Variants in ANKFN1 observed in about 807,000 individuals in gnomAD.
ANKFN1 encodes the protein ankyrin repeat and fibronectin type-III domain-containing protein 1.
ANKFN1 carries 74 observed loss-of-function variants against 108.7 expected under a neutral mutation model. The observed-to-expected ratio is 0.68, with a 90% CI of 0.56 to 0.83. The LOEUF (loss-of-function observed/expected upper bound fraction) is 0.83, where lower values mean the gene tolerates loss of function less well. Ranked by LOEUF, ANKFN1 falls within the 40% of genes least tolerant of loss-of-function variation. ANKFN1 has a pLI of 0.00. For synonymous variants in ANKFN1, 547 were observed against 516.2 expected, an observed-to-expected ratio of 1.06 and a Z score of -0.81; for missense variants, 1,505 against 1,382.3, an observed-to-expected ratio of 1.09 and a Z score of -1.41.
chr17:56,469,795 A>C (rs201587314), intron 15 of ANKFN1, among the ~76,000 whole-genome samples: 3,185 of 121,896 alleles, frequency 0.026, 109 homozygotes, highest in African/African-American at 0.087. Flanking sequence ...TTTTATTTTT[A>C]TTTTACTTTA....
chr17:56,448,533 T>G (rs1315102983), intron 10 of ANKFN1, among the ~76,000 whole-genome samples: 1 of 152,182 alleles, frequency 6.6e-6, no homozygotes, highest in East Asian at 1.9e-4. Flanking sequence ...AAAGCAGACA[T>G]TCATTAGAGC....
chr17:56,204,980 G>T (rs1010078437), intron 1 of ANKFN1, among the ~76,000 whole-genome samples: 1 of 152,166 alleles, frequency 6.6e-6, no homozygotes, highest in East Asian at 1.9e-4. Context: ...GGAGGCTGAG[G>T]CAGGGGAATG....
chr17:56,058,932 C>A (rs1471913518), intron 4 of ANKFN1, among the ~76,000 whole-genome samples: 1 of 151,964 alleles, frequency 6.6e-6, no homozygotes, highest in Non-Finnish European at 1.5e-5. Flanking sequence ...TGATTTATAA[C>A]CCTTTGGGTA....
chr17:56,379,778 T>C (rs943987710), intron 8 of ANKFN1, among the ~76,000 whole-genome samples: 3 of 152,250 alleles, frequency 2.0e-5, no homozygotes, highest in Non-Finnish European at 4.4e-5. Flanking sequence ...TTCTTATATG[T>C]ATCTCTCTTT....
chr17:56,393,712 G>A (rs1043053618), intron 8 of ANKFN1, among the ~76,000 whole-genome samples: 6 of 152,200 alleles, frequency 3.9e-5, no homozygotes, highest in African/African-American at 1.2e-4. Flanking sequence ...ATTTCTCCCT[G>A]TAGGGAGCAT....
At chr17:56,295,302 T>A (rs1303547167) in intron 3 of ANKFN1, among the ~76,000 whole-genome samples, 1 of 152,196 alleles carries the variant, frequency 6.6e-6, no homozygotes, top group African/African-American at 2.4e-5. Context: ...GAAAGGCAAT[T>A]TCCTTTAAAA....
chr17:56,446,464 T>G (rs2049290803), intron 10 of ANKFN1, among the ~76,000 whole-genome samples: 1 of 152,130 alleles, frequency 6.6e-6, no homozygotes, highest in Admixed American at 6.5e-5. Flanking sequence ...GGATACCGAG[T>G]GTTTATTTCC....
At chr17:56,210,673 T>C (rs1197283595) in intron 1 of ANKFN1, among the ~76,000 whole-genome samples, 1 of 152,292 alleles carries the variant, frequency 6.6e-6, no homozygotes, top group East Asian at 1.9e-4. Flanking sequence ...ATTAGGTAAT[T>C]TATAAAGAAA....
At chr17:56,321,907 A>G (rs1226949840) in intron 3 of ANKFN1, among the ~76,000 whole-genome samples, 1 of 152,144 alleles carries the variant, frequency 6.6e-6, no homozygotes, top group African/African-American at 2.4e-5. Flanking sequence ...GGTTCTTTCC[A>G]ATGAGCTAAA....
chr17:56,220,117 A>G (rs1567845396), intron 2 of ANKFN1, among the ~76,000 whole-genome samples: 4 of 152,222 alleles, frequency 2.6e-5, no homozygotes, highest in African/African-American at 9.7e-5. Flanking sequence ...AAAACTGTGT[A>G]AGCTTGAAAG....
intron 3 of ANKFN1, among the ~76,000 whole-genome samples, chr17:56,272,425 G>A (rs954949741): frequency 6.6e-6 from 1 of 152,048 alleles, no homozygotes; most frequent in Non-Finnish European, 1.5e-5. Context: ...TTTTGTAACT[G>A]GCTTATTTCA....
At chr17:56,229,776 T>TA (rs1567851880) in intron 3 of ANKFN1, among the ~76,000 whole-genome samples, 2 of 148,654 alleles carry the variant, frequency 1.3e-5, no homozygotes, top group Non-Finnish European at 3.0e-5. Flanking sequence ...CTCAGACACA[T>TA]ACAGGGTGCT....
At chr17:56,096,974 G>T (rs1905547319) in intron 4 of ANKFN1, among the ~76,000 whole-genome samples, 1 of 152,122 alleles carries the variant, frequency 6.6e-6, no homozygotes, top group Non-Finnish European at 1.5e-5. Context: ...AACATACATG[G>T]AGCCAGAGGC....
At chr17:56,052,340 G>A (rs556404969) in intron 4 of ANKFN1, among the ~76,000 whole-genome samples, 2 of 152,196 alleles carry the variant, frequency 1.3e-5, no homozygotes, top group Non-Finnish European at 2.9e-5. Context: ...TCTGATCTGA[G>A]TGTGATTTCC....
At chr17:56,358,087 A>G (rs1315673195) in intron 6 of ANKFN1, among the ~76,000 whole-genome samples, 3 of 152,098 alleles carry the variant, frequency 2.0e-5, no homozygotes, top group Non-Finnish European at 4.4e-5. Context: ...ATTCCTCCCT[A>G]TTTTGGCTCT....
chr17:56,068,693 A>T (rs1905088467), intron 4 of ANKFN1, among the ~76,000 whole-genome samples: 1 of 152,178 alleles, frequency 6.6e-6, no homozygotes, highest in African/African-American at 2.4e-5. Context: ...ACATTGCAGG[A>T]TAATCTTTTT....
intron 8 of ANKFN1, among the ~76,000 whole-genome samples, chr17:56,385,461 T>C (rs900969433): frequency 2.0e-5 from 3 of 152,198 alleles, no homozygotes; most frequent in Non-Finnish European, 1.5e-5. Flanking sequence ...AAAGTCAAAA[T>C]TGACAAATGG....
At chr17:56,168,661 G>A (rs893973342) in intron 1 of ANKFN1, among the ~76,000 whole-genome samples, 1 of 152,084 alleles carries the variant, frequency 6.6e-6, no homozygotes. Context: ...GTTTTTTCTT[G>A]TTTAGTTTTG....
intron 1 of ANKFN1, among the ~76,000 whole-genome samples, chr17:56,162,723 C>T (rs148335412): frequency 2.5e-4 from 38 of 152,282 alleles, no homozygotes; most frequent in Non-Finnish European, 5.0e-4. Context: ...CCTATTTTAT[C>T]TATAACACTT....
Sources: gnomAD v4.1 joint callset for allele counts (sites outside exome capture counted in the v4.1 genomes callset) on GRCh38, gnomAD v4.1.1 for gene constraint, MANE v1.5 for transcripts, NCBI Gene and HGNC (gene_info 2026-07-23, HGNC 2026-07-21) for gene names.